The following PCDHGB6 variants were observed in gnomAD, a reference collection of about 807,000 sequenced individuals.
PCDHGB6 encodes the protein protocadherin gamma-B6.
Under a neutral mutation model 59.1 loss-of-function variants are expected in PCDHGB6, and 51 were observed. The observed-to-expected ratio is 0.86, with a 90% CI of 0.69 to 1.09. The LOEUF (loss-of-function observed/expected upper bound fraction) is 1.09, where lower values mean the gene tolerates loss of function less well. Among genes scored for constraint, PCDHGB6 ranks in the 50% least tolerant of loss-of-function variants. PCDHGB6 has a pLI of 0.00. For synonymous variants in PCDHGB6, 466 were observed against 495.1 expected (o/e 0.94, Z 0.78); for missense variants, 1,148 against 1,205.1 (o/e 0.95, Z 0.70).
chr5:141,468,790 C>T (rs1215557602), intron 1 of PCDHGB6, among the ~76,000 whole-genome samples: 10 of 151,564 alleles, frequency 6.6e-5, no homozygotes, highest in African/African-American at 2.2e-4. Context: ...GGCGTGAACC[C>T]GGGAGGCGGA....
intron 1 of PCDHGB6, among the ~76,000 whole-genome samples, chr5:141,453,823 G>A (rs2154564414): frequency 6.6e-6 from 1 of 152,250 alleles, no homozygotes; most frequent in South Asian, 2.1e-4. Flanking sequence ...GACAAACTTG[G>A]CTGCTAGCCC....
In PCDHGB6 at chr5:141,432,085, G is replaced by A. The variant is rs144065251; in HGVS notation, c.2418+21465G>A. 2.2e-4 allele frequency: 353 copies of A among 1,614,164 alleles called. 1 individual carries two copies. The African/African-American group carries it at 4.2e-3, about 19-fold the overall frequency. ...CGGAAACTCATATCTCGCTGAACGT[G>A]GCAGACACCAACGACAACCCGCCGG... On this transcript the variant is annotated intron_variant, in intron 1 of 3. Transcript: ENST00000520790. This position sits in a 1 kb window ranked among gnomAD's most constrained non-coding sequence, Gnocchi z 6.0.
At chr5:141,440,770 G>A (rs2098199385) in intron 1 of PCDHGB6, 1 of 152,176 alleles carries the variant, frequency 6.6e-6, no homozygotes, top group African/African-American at 2.4e-5. Flanking sequence ...CCATCCCTTA[G>A]TGCTAGCAGC....
intron 1 of PCDHGB6, chr5:141,441,470 C>G (rs1170727138): frequency 5.9e-6 from 1 of 168,868 alleles, no homozygotes; most frequent in East Asian, 1.9e-4. Context: ...ATTGGCGATG[C>G]CAACGACAAT....
intron 1 of PCDHGB6, among the ~76,000 whole-genome samples, chr5:141,455,393 C>G (rs574741955): frequency 6.4e-4 from 97 of 152,150 alleles, no homozygotes; most frequent in African/African-American, 2.2e-3. Flanking sequence ...GAAGGAGCTC[C>G]CCCTTACAGA....
intron 1 of PCDHGB6, among the ~76,000 whole-genome samples, chr5:141,455,160 G>GTT (rs59530096): frequency 1.3e-4 from 20 of 149,232 alleles, no homozygotes; most frequent in South Asian, 1.1e-3. Flanking sequence ...TAGTTTGTTG[G>GTT]TTTTTTTTTT....
intron 1 of PCDHGB6, chr5:141,417,544 C>A: frequency 3.2e-6 from 1 of 308,860 alleles, no homozygotes; most frequent in Non-Finnish European, 5.9e-6. Context: ...AAAAAAATTC[C>A]TTGAAAGAGG....
Position 141,409,635 on chromosome 5 carries a change from AC to A in PCDHGB6, c.1436del (p.Pro479ArgfsTer13). 1 of 1,613,784 alleles carries A rather than the reference AC, an allele frequency of 6.2e-7. No homozygotes were observed. The highest frequency in any genetic ancestry group is 8.5e-7 in the Non-Finnish European group (1 of 1,179,868). On this transcript the variant is annotated frameshift_variant, in exon 1 of 4. Coordinates refer to ENST00000520790, the MANE Select transcript of PCDHGB6 (RefSeq NM_018926.3). LOFTEE classifies it high-confidence loss of function. ...GASIAQVSAS[D>X]PDLGLNGHIS... The stretch of plus-strand genomic sequence containing the variant: ...TCCATTGCGCAAGTGAGCGCCTCTG[AC>A]CCGGATTTGGGGCTCAATGGCCACA...
chr5:141,470,828 C>A (rs1328067769), intron 1 of PCDHGB6, among the ~76,000 whole-genome samples: 1 of 151,994 alleles, frequency 6.6e-6, no homozygotes, highest in Non-Finnish European at 1.5e-5. Flanking sequence ...GTTAGGACGA[C>A]AAACACACGC....
At chr5:141,464,913 AT>A (rs1366203949) in intron 1 of PCDHGB6, among the ~76,000 whole-genome samples, 1 of 151,428 alleles carries the variant, frequency 6.6e-6, no homozygotes, top group Non-Finnish European at 1.5e-5. Context: ...TAATTTTTTT[AT>A]TTTTTTGTAG....
intron 1 of PCDHGB6, among the ~76,000 whole-genome samples, chr5:141,437,156 G>A (rs2097864365): frequency 6.6e-6 from 1 of 152,172 alleles, no homozygotes. Flanking sequence ...TAACATATGT[G>A]TTGATTGTTT....
chr5:141,498,848 G>A (rs930895553), intron 2 of PCDHGB6, among the ~76,000 whole-genome samples: 3 of 151,908 alleles, frequency 2.0e-5, no homozygotes, highest in Non-Finnish European at 4.4e-5. Context: ...CAGGGGAATC[G>A]CTTGAACCCA....
In PCDHGB6 at chr5:141,418,596, T is replaced by C; in HGVS notation, c.2418+7976T>C. On this transcript the variant is annotated intron_variant, in intron 1 of 3. Coordinates refer to ENST00000520790, the MANE Select transcript of PCDHGB6 (RefSeq NM_018926.3). Reference sequence around the variant, plus strand: ...AACCCCCCAGTGTTCAGCCAGGACGTGTACAGGGTTAGCCTTCGGGAAGAC... The same window carrying C: ...AACCCCCCAGTGTTCAGCCAGGACGCGTACAGGGTTAGCCTTCGGGAAGAC... 8.7e-6 allele frequency: 14 copies of C among 1,614,046 alleles called. No individual in the cohort carries two copies. The highest frequency in any genetic ancestry group is 1.1e-5 in the Non-Finnish European group (13 of 1,179,906).
At chr5:141,475,910 G>A in intron 1 of PCDHGB6, 1 of 588,414 alleles carries the variant, frequency 1.7e-6, no homozygotes, top group South Asian at 2.3e-5. Context: ...GTCGGCCAAT[G>A]AAGACGCTGG....
At chr5:141,414,762 T>G in intron 1 of PCDHGB6, 1 of 1,614,210 alleles carries the variant, frequency 6.2e-7, no homozygotes. Context: ...ATGAGCAGTT[T>G]CATGAGCTAC....
chr5:141,491,284 A>C lies in PCDHGB6; in HGVS notation c.2419-3523A>C. ...AATGCCCAAATCCAGTGACTTCCTC[A>C]TACACCCTCCTGAGCGTTCAGACCT... On this transcript the variant is annotated intron_variant, in intron 1 of 3. Transcript: ENST00000520790. The surrounding 1 kb of genome is among the most constrained non-coding windows in gnomAD (Gnocchi z 6.9). 1.2e-6 allele frequency: 2 copies of C among 1,614,128 alleles called. No homozygotes were observed. The highest frequency in any genetic ancestry group is 1.7e-6 in the Non-Finnish European group (2 of 1,179,978).
In PCDHGB6 at chr5:141,487,883, G is replaced by A; in HGVS notation, c.2419-6924G>A. ...GGTGATCAAGAGCCAGGCTGTTGTG[G>A]AAGCATGATGATGGAATGTGGGAGC... is the stretch of plus-strand genomic sequence containing the variant. On this transcript the variant is annotated intron_variant, in intron 1 of 3. Transcript: ENST00000520790. This position sits in a 1 kb window ranked among gnomAD's most constrained non-coding sequence, Gnocchi z 5.0. The A allele has an allele frequency of 1.3e-6, 1 of 766,586 alleles. No homozygotes were observed. The highest frequency in any genetic ancestry group is 1.8e-5 in the South Asian group (1 of 55,094). 47.5% of individuals were successfully genotyped at this position (766,586 alleles called of 1,614,324 possible).
At chr5:141,479,877 T>C (rs967661238) in intron 1 of PCDHGB6, among the ~76,000 whole-genome samples, 2 of 152,188 alleles carry the variant, frequency 1.3e-5, no homozygotes, top group African/African-American at 4.8e-5. Flanking sequence ...GAGAACCCTA[T>C]ACATACTCTC....
chr5:141,446,528 G>A (rs2098505974), intron 1 of PCDHGB6, among the ~76,000 whole-genome samples: 1 of 151,952 alleles, frequency 6.6e-6, no homozygotes, highest in South Asian at 2.1e-4. Flanking sequence ...CCAGGCTGGA[G>A]TGCAGTGGCC....
Sources: allele counts gnomAD v4.1 joint callset (sites outside exome capture counted in the v4.1 genomes callset), GRCh38; gene constraint gnomAD v4.1.1; non-coding constraint Gnocchi (gnomAD v3.1); transcripts MANE v1.5; gene names NCBI Gene and HGNC (gene_info 2026-07-23, HGNC 2026-07-21).